Variants in ABCD2 observed in about 807,000 individuals in gnomAD.
ABCD2 encodes ATP binding cassette subfamily D member 2.
In ABCD2, 36 loss-of-function variants were observed where a neutral mutation model predicts 70.9. That is an observed-to-expected ratio of 0.51 (90% CI 0.39 to 0.67). The LOEUF (loss-of-function observed/expected upper bound fraction) is 0.67. Among genes scored for constraint, ABCD2 ranks in the 30% least tolerant of loss-of-function variants. The pLI is 0.00. For missense variants in ABCD2, 729 were observed against 890.2 expected (o/e 0.82, Z 2.30); for synonymous variants, 304 against 306.9 (o/e 0.99, Z 0.10).
At chr12:39,536,972 C>A in the ABCD2 span, among the ~76,000 whole-genome samples, 2 of 152,160 alleles carry the variant, frequency 1.3e-5, no homozygotes, top group African/African-American at 2.4e-5. Flanking sequence ...ACTCCCCAGG[C>A]TACCCTCCAT....
the ABCD2 span, among the ~76,000 whole-genome samples, chr12:39,544,021 T>C: frequency 2.0e-5 from 3 of 152,032 alleles, no homozygotes; most frequent in Non-Finnish European, 2.9e-5. Flanking sequence ...GAAATTGCAA[T>C]AGAGAAAGAG....
At chr12:39,560,446 T>A (rs113879580) in intron 9 of ABCD2, among the ~76,000 whole-genome samples, 62 of 152,302 alleles carry the variant, frequency 4.1e-4, no homozygotes, top group African/African-American at 1.4e-3. Flanking sequence ...GTCTTTGCTA[T>A]TGGTAAATCA....
At chr12:39,585,407 A>T (rs1941651270) in intron 7 of ABCD2, among the ~76,000 whole-genome samples, 1 of 152,108 alleles carries the variant, frequency 6.6e-6, no homozygotes, top group Non-Finnish European at 1.5e-5. Flanking sequence ...CAGCTGAAGG[A>T]GCTTTGAGCT....
At chr12:39,540,234 A>T in the ABCD2 span, among the ~76,000 whole-genome samples, 2 of 152,192 alleles carry the variant, frequency 1.3e-5, no homozygotes, top group African/African-American at 2.4e-5. Flanking sequence ...AAGAGTGGTG[A>T]TCTGATTAAT....
chr12:39,548,473 A>G (rs980555115), downstream of ABCD2, among the ~76,000 whole-genome samples: 2 of 152,008 alleles, frequency 1.3e-5, no homozygotes, highest in Admixed American at 1.3e-4. Flanking sequence ...AGCCTAAAAA[A>G]GGGGACTTTG....
intron 9 of ABCD2, among the ~76,000 whole-genome samples, chr12:39,568,726 T>A (rs964215623): frequency 1.3e-5 from 2 of 152,192 alleles, no homozygotes; most frequent in Non-Finnish European, 2.9e-5. Flanking sequence ...TTTCCAGTTT[T>A]TCTGCTCTGT....
At chr12:39,562,163 T>C (rs986903613) in intron 9 of ABCD2, among the ~76,000 whole-genome samples, 4 of 151,980 alleles carry the variant, frequency 2.6e-5, no homozygotes, top group African/African-American at 9.7e-5. Context: ...AAACACAACA[T>C]ACCAAATCTG....
At chr12:39,609,089 CTG>C (rs201606172) in intron 2 of ABCD2, among the ~76,000 whole-genome samples, 3,024 of 152,272 alleles carry the variant, frequency 0.02, 44 homozygotes, top group South Asian at 0.04. Context: ...AAGGTCAAGA[CTG>C]TGTGTTTTAT....
At chr12:39,570,362 A>T (rs1024212135) in intron 9 of ABCD2, among the ~76,000 whole-genome samples, 25 of 152,224 alleles carry the variant, frequency 1.6e-4, no homozygotes, top group Non-Finnish European at 4.4e-5. Context: ...CAACCCAAAC[A>T]GCATTGTACT....
chr12:39,604,647 T>G (rs1259912927), intron 4 of ABCD2, 115 bp downstream of exon 4: 3 of 763,662 alleles, frequency 3.9e-6, no homozygotes, highest in Non-Finnish European at 6.0e-6. Flanking sequence ...GTTTAAATAA[T>G]GTTGGTTATT....
At chr12:39,616,915 T>A in intron 2 of ABCD2, 73 bp downstream of exon 2, 1 of 1,385,314 alleles carries the variant, frequency 7.2e-7, no homozygotes, top group East Asian at 2.4e-5. Context: ...TTAGCTCACA[T>A]AAAACTAGCA....
chr12:39,536,742 C>G, the ABCD2 span, among the ~76,000 whole-genome samples: 272 of 152,244 alleles, frequency 1.8e-3, 1 homozygote, highest in African/African-American at 6.1e-3. Context: ...TTCCATCCCC[C>G]TAAATGTTTA....
intron 6 of ABCD2, among the ~76,000 whole-genome samples, chr12:39,597,172 G>A (rs537077101): frequency 1.3e-5 from 2 of 152,108 alleles, no homozygotes; most frequent in East Asian, 1.9e-4. Context: ...TTTACTCTGA[G>A]CAAAATATAT....
At chr12:39,582,656 C>CA (rs1941611961) in intron 7 of ABCD2, among the ~76,000 whole-genome samples, 1 of 151,958 alleles carries the variant, frequency 6.6e-6, no homozygotes, top group Non-Finnish European at 1.5e-5. Context: ...CCACATGAAA[C>CA]AAAAAATCAA....
At chr12:39,542,291 A>G in the ABCD2 span, among the ~76,000 whole-genome samples, 1 of 151,992 alleles carries the variant, frequency 6.6e-6, no homozygotes, top group African/African-American at 2.4e-5. Context: ...GGGAAACCCT[A>G]TCTCTACTAA....
chr12:39,578,304 C>G (rs1012752872), intron 8 of ABCD2, among the ~76,000 whole-genome samples: 5 of 152,030 alleles, frequency 3.3e-5, no homozygotes, highest in African/African-American at 1.2e-4. Flanking sequence ...GAAACCCCGT[C>G]TCTACTAAAA....
downstream of ABCD2, among the ~76,000 whole-genome samples, chr12:39,548,218 T>C (rs1941045076): frequency 6.6e-6 from 1 of 152,126 alleles, no homozygotes; most frequent in Non-Finnish European, 1.5e-5. Flanking sequence ...TTTGCCCACC[T>C]GTAGGCTAAT....
chr12:39,603,203 C>T (rs1479589271), intron 5 of ABCD2, among the ~76,000 whole-genome samples: 1 of 151,994 alleles, frequency 6.6e-6, no homozygotes, highest in Admixed American at 6.6e-5. Flanking sequence ...GTTTGTAATT[C>T]TTTTATCAAG....
intron 9 of ABCD2, among the ~76,000 whole-genome samples, chr12:39,573,165 G>A (rs1308710085): frequency 6.6e-6 from 1 of 152,092 alleles, no homozygotes; most frequent in African/African-American, 2.4e-5. Context: ...TGGAAAAGTA[G>A]GGGAATTGTA....
Sources: gnomAD v4.1 joint callset for allele counts (sites outside exome capture counted in the v4.1 genomes callset) on GRCh38, gnomAD v4.1.1 for gene constraint, MANE v1.5 for transcripts, NCBI Gene and HGNC (gene_info 2026-07-23, HGNC 2026-07-21) for gene names.